Variants in RALGAPB observed in about 807,000 individuals in gnomAD.
RALGAPB encodes ral GTPase-activating protein subunit beta.
RALGAPB carries 25 observed loss-of-function variants against 161.1 expected under a neutral mutation model. The ratio of observed to expected loss-of-function variants is 0.16; its 90% CI spans 0.11 to 0.22. The LOEUF (loss-of-function observed/expected upper bound fraction) is 0.22, where lower values mean the gene tolerates loss of function less well. Among genes scored for constraint, RALGAPB ranks in the 10% least tolerant of loss-of-function variants. The pLI, the probability that RALGAPB is intolerant of heterozygous loss-of-function variation, is 1.00. For synonymous variants in RALGAPB, 629 were observed against 626.1 expected (o/e 1.00, Z -0.07); for missense variants, 1,391 against 1,815.2 (o/e 0.77, Z 4.25).
At chr20:38,494,579 C>T (rs543802997) in intron 3 of RALGAPB, among the ~76,000 whole-genome samples, 7 of 152,060 alleles carry the variant, frequency 4.6e-5, no homozygotes, top group Non-Finnish European at 8.8e-5. Context: ...TGCAGTGAGC[C>T]GAGATTGCAC....
intron 3 of RALGAPB, among the ~76,000 whole-genome samples, chr20:38,496,592 C>T (rs1403631775): frequency 6.6e-6 from 1 of 152,036 alleles, no homozygotes; most frequent in Non-Finnish European, 1.5e-5. Flanking sequence ...GGGACCTGGA[C>T]CTCTATCTTC....
At chr20:38,546,528 C>T in intron 19 of RALGAPB, 98 bp downstream of exon 19, 2 of 1,498,442 alleles carry the variant, frequency 1.3e-6, no homozygotes, top group Non-Finnish European at 9.1e-7. Flanking sequence ...CCTACAGATT[C>T]TAAGTAGGTC....
chr20:38,523,936 A>G (rs1285665390), intron 10 of RALGAPB, among the ~76,000 whole-genome samples: 3 of 152,198 alleles, frequency 2.0e-5, no homozygotes. Context: ...GGATTTGGCA[A>G]TCGAGAGCCC....
In RALGAPB at chr20:38,473,059, C is replaced by G. The variant is rs2084696000; in HGVS notation, c.-41C>G. 2 of 374,404 alleles carry G rather than the reference C, an allele frequency of 5.3e-6. No homozygotes were observed. Among genetic ancestry groups the G allele is most frequent in the East Asian group, 3.9e-5 (1 of 25,840 alleles). The allele number at this position is 374,404 out of a possible 1,614,324, so 23.2% of individuals were successfully genotyped here. A position where few individuals can be genotyped will look rare whatever the true frequency, so the allele number is the denominator to read the frequency against. On this transcript the variant is annotated 5_prime_UTR_variant, in exon 1 of 30. Coordinates refer to ENST00000262879, the MANE Select transcript of RALGAPB (RefSeq NM_020336.4). ...CCGCCCCGGCGATGCGGGCCCCGCC[C>G]GTCGCCTCAGGTAACCGGGCAGCCG...
intron 21 of RALGAPB, among the ~76,000 whole-genome samples, chr20:38,551,702 A>G (rs1277700684): frequency 6.6e-6 from 1 of 152,218 alleles, no homozygotes; most frequent in Non-Finnish European, 1.5e-5. Context: ...AGTGCCATTT[A>G]CAGAAATGCA....
At chr20:38,516,473 C>T in intron 7 of RALGAPB, 103 bp downstream of exon 7, 1 of 1,126,708 alleles carries the variant, frequency 8.9e-7, no homozygotes, top group African/African-American at 1.6e-5. Context: ...AAAAGATGAA[C>T]AGATTTGATG....
At chr20:38,554,228 C>A in intron 22 of RALGAPB, 152 bp downstream of exon 22, 1 of 762,988 alleles carries the variant, frequency 1.3e-6, no homozygotes, top group Non-Finnish European at 2.1e-6. Context: ...AAATTCTGTG[C>A]TGCTGTAGGT....
intron 18 of RALGAPB, among the ~76,000 whole-genome samples, chr20:38,545,854 A>G (rs1261087916): frequency 6.6e-6 from 1 of 152,208 alleles, no homozygotes; most frequent in Non-Finnish European, 1.5e-5. Flanking sequence ...GGTTGTCACA[A>G]AGCATATGGA....
intron 22 of RALGAPB, among the ~76,000 whole-genome samples, chr20:38,555,426 A>G (rs1319469379): frequency 1.3e-5 from 2 of 152,226 alleles, no homozygotes; most frequent in East Asian, 3.9e-4. Context: ...TTGATGCAGC[A>G]TATGAACATA....
chr20:38,577,209 G>A lies in RALGAPB; in HGVS notation c.*2242G>A, dbSNP rs1568995524. 3 of 152,178 alleles carry A rather than the reference G, an allele frequency of 2.0e-5. No homozygotes were observed. 9.4% of individuals were successfully genotyped at this position (152,178 alleles called of 1,614,324 possible). On this transcript the variant is annotated 3_prime_UTR_variant, in exon 30 of 30. Coordinates refer to ENST00000262879, the MANE Select transcript of RALGAPB (RefSeq NM_020336.4). ...GCTCACAATAACATCTGCCCAAAGAGGGAGTGGGAAGAACGCTTAGCTCTT... is the reference window on the plus strand; with the variant it reads ...GCTCACAATAACATCTGCCCAAAGAAGGAGTGGGAAGAACGCTTAGCTCTT...
At chr20:38,573,905 CCTTT>C (rs1353972446) in intron 28 of RALGAPB, 4 of 292,640 alleles carry the variant, frequency 1.4e-5, no homozygotes, top group Non-Finnish European at 2.5e-5. Context: ...TTTTTCAGCT[CCTTT>C]CTGTTAGCTT....
intron 18 of RALGAPB, 127 bp downstream of exon 18, chr20:38,541,319 C>A: frequency 1.0e-6 from 1 of 968,182 alleles, no homozygotes; most frequent in Non-Finnish European, 1.4e-6. Context: ...TATACTTTTT[C>A]TCCAGAAATA....
rs774386343 is a variant in RALGAPB, at chr20:38,485,633, G to T, written c.-30-2770G>T. Reference sequence around the variant, plus strand: ...GTAGAGACGGGGTTTTGCCCTGTTGGCCATGCTGGTCTCAAACTCCTGACC... The same window carrying T: ...GTAGAGACGGGGTTTTGCCCTGTTGTCCATGCTGGTCTCAAACTCCTGACC... On this transcript the variant is annotated intron_variant, in intron 1 of 29. Coordinates refer to ENST00000262879, the MANE Select transcript of RALGAPB (RefSeq NM_020336.4). Among the ~76,000 whole-genome samples the T allele has an allele frequency of 2.8e-4, 42 of 152,072 alleles. 1 individual carries two copies. Among genetic ancestry groups the T allele is most frequent in the Non-Finnish European group, 4.1e-4 (28 of 68,010 alleles).
At chr20:38,492,855 G>C in intron 2 of RALGAPB, 75 bp from the exon 3 acceptor site, 1 of 1,236,544 alleles carries the variant, frequency 8.1e-7, no homozygotes, top group Admixed American at 2.0e-5. Flanking sequence ...GGCAATAAAA[G>C]AGATTGACAT....
chr20:38,516,291 G>A lies in RALGAPB; in HGVS notation c.972G>A (p.Gln324=), dbSNP rs1473375749. 2 of 1,614,030 alleles carry A rather than the reference G, an allele frequency of 1.2e-6. No individual in the cohort carries two copies. The highest frequency in any genetic ancestry group is 2.2e-5 in the South Asian group (2 of 91,046). The part of the protein sequence containing the change: ...NVSGMPQELN[Q]YPCLKHLPQI... ...GCGGAATGCCGCAAGAATTGAATCA[G>A]TATCCCTGCCTTAAACATCTGCCTC... The change falls in exon 7 of 30, where the codon CAG becomes CAA. Residue 324 remains glutamine, a synonymous_variant. Coordinates refer to ENST00000262879, the MANE Select transcript of RALGAPB (RefSeq NM_020336.4).
At chr20:38,498,517 TCTGGTATTGACAATAG>T (rs2085491735) in intron 4 of RALGAPB, among the ~76,000 whole-genome samples, 1 of 152,234 alleles carries the variant, frequency 6.6e-6, no homozygotes, top group South Asian at 2.1e-4. Flanking sequence ...TAATACTCTG[TCTGGTATTGACAATAG>T]CTGGACAGTC....
chr20:38,535,759 G>A (rs968101638), intron 16 of RALGAPB, among the ~76,000 whole-genome samples: 4 of 151,990 alleles, frequency 2.6e-5, no homozygotes, highest in African/African-American at 9.7e-5. Context: ...TAATTTTTGT[G>A]TTTTTAGTAG....
At chr20:38,477,925 C>T (rs1958952074) in intron 1 of RALGAPB, among the ~76,000 whole-genome samples, 1 of 152,036 alleles carries the variant, frequency 6.6e-6, no homozygotes, top group Admixed American at 6.6e-5. Context: ...AGTTTGAGGC[C>T]AGCCTGGGCA....
chr20:38,473,944 T>G (rs1021620967), intron 1 of RALGAPB, among the ~76,000 whole-genome samples: 1 of 152,216 alleles, frequency 6.6e-6, no homozygotes, highest in Non-Finnish European at 1.5e-5. Context: ...TTTCTCCAGC[T>G]TAAGTGTGCA....
Sources: gnomAD v4.1 joint callset for allele counts (sites outside exome capture counted in the v4.1 genomes callset) on GRCh38, gnomAD v4.1.1 for gene constraint, MANE v1.5 for transcripts, NCBI Gene and HGNC (gene_info 2026-07-23, HGNC 2026-07-21) for gene names.